Variants in HMCN1 observed in about 807,000 individuals in gnomAD.
HMCN1 encodes hemicentin-1.
A neutral mutation model predicts 625.9 loss-of-function variants in HMCN1; 321 were observed. That is an observed-to-expected ratio of 0.51 (90% CI 0.47 to 0.56). HMCN1 has a LOEUF of 0.56. HMCN1 is among the 20% of genes least tolerant of loss of function. The pLI is 0.00. For missense variants in HMCN1, 6,588 were observed against 6,887.3 expected, an observed-to-expected ratio of 0.96 and a Z score of 1.54; for synonymous variants, 2,425 against 2,417.6, an observed-to-expected ratio of 1.00 and a Z score of -0.09.
intron 58 of HMCN1, among the ~76,000 whole-genome samples, chr1:186,086,948 T>C (rs1369247706): frequency 6.6e-6 from 1 of 152,096 alleles, no homozygotes; most frequent in African/African-American, 2.4e-5. Context: ...TACTATTTGC[T>C]CACCAGAGCC....
In HMCN1 at chr1:186,132,296, T is replaced by C. The variant is rs202134691; in HGVS notation, c.13231-32T>C. On this transcript the variant is annotated intron_variant, in intron 85 of 106. Transcript: ENST00000271588. ...GTGATTGCCCTGCTCTGTAGGCTCA[T>C]ATTTTTGTAAAAACGCTGCTTATTT... is the stretch of plus-strand genomic sequence containing the variant. 46 of 1,540,010 alleles carry C rather than the reference T, an allele frequency of 3.0e-5. 1 individual carries two copies. The Admixed American group carries it at 6.8e-4, about 23-fold the overall frequency.
At chr1:185,838,089 G>A (rs369139754) in intron 1 of HMCN1, among the ~76,000 whole-genome samples, 99 of 152,248 alleles carry the variant, frequency 6.5e-4, no homozygotes, top group Non-Finnish European at 2.1e-4. Context: ...ACCCACGTGG[G>A]CATCAGAAGG....
rs1653631181 is a variant in HMCN1, at chr1:186,190,114, A to T, written c.*236A>T. 2 of 557,638 alleles carry T rather than the reference A, an allele frequency of 3.6e-6. No homozygotes were observed. Among genetic ancestry groups the T allele is most frequent in the Non-Finnish European group, 6.4e-6 (2 of 310,574 alleles). 34.5% of individuals were successfully genotyped at this position (557,638 alleles called of 1,614,324 possible). A position where few individuals can be genotyped will look rare whatever the true frequency, so the allele number is the denominator to read the frequency against. ...ATTATTTTATTTATTACACTGGAGC[A>T]GTTACTTCCCAAAGATTATTCTGAA... On this transcript the variant is annotated 3_prime_UTR_variant, in exon 107 of 107. Coordinates refer to ENST00000271588, the MANE Select transcript of HMCN1 (RefSeq NM_031935.3).
rs564906482 is a variant in HMCN1, at chr1:185,890,180, G to A, written c.622-19157G>A. 1.8e-4 allele frequency among the ~76,000 whole-genome samples: 27 copies of A among 148,632 alleles called. No individual in the cohort carries two copies. In the South Asian group the frequency reaches 2.9e-3, roughly 16 times the overall value. On this transcript the variant is annotated intron_variant, in intron 4 of 106. Coordinates refer to ENST00000271588, the MANE Select transcript of HMCN1 (RefSeq NM_031935.3). ...CATCCCCTTTATCATTTTTTATTGC[G>A]TCTATTTGAGTCTTCTCTCTTTTTT...
rs751818723 is a variant in HMCN1, at chr1:186,119,220, A to T, written c.11878A>T (p.Asn3960Tyr). 6.2e-7 allele frequency: 1 copy of T among 1,613,878 alleles called. No individual in the cohort carries two copies. The highest frequency in any genetic ancestry group is 1.1e-5 in the South Asian group (1 of 91,080). Residue 3960 changes from asparagine to tyrosine, a missense_variant, in exon 78 of 107, where the codon AAC becomes TAC. By Grantham distance (143) the Asn-to-Tyr change is moderately radical. Transcript: ENST00000271588. ...GAIEILATQL[N>Y]HAGRYTCVAR... The stretch of plus-strand genomic sequence containing the variant: ...AATTGAAATACTTGCCACCCAATTA[A>T]ACCATGCTGGAAGATACACTTGTGT...
rs183990896 is a variant in HMCN1 at position 185,966,754 on chromosome 1, A to C, written c.2212+839A>C. Among the ~76,000 whole-genome samples, 33 of 152,354 alleles carry C rather than the reference A, an allele frequency of 2.2e-4. No homozygotes were observed. The East Asian group carries it at 5.4e-3, about 25-fold the overall frequency. ...GTTATGATTCTGTTTGTTAAATCAC[A>C]AACATTTCCATAGCAACAGGTTGAT... is the stretch of plus-strand genomic sequence containing the variant. On this transcript the variant is annotated intron_variant, in intron 14 of 106. Coordinates refer to ENST00000271588, the MANE Select transcript of HMCN1 (RefSeq NM_031935.3).
At chr1:185,741,894 A>C (rs1363542157) in intron 1 of HMCN1, among the ~76,000 whole-genome samples, 1 of 152,214 alleles carries the variant, frequency 6.6e-6, no homozygotes, top group East Asian at 1.9e-4. Context: ...CTACTGGAAC[A>C]GTTGCTTTGT....
intron 36 of HMCN1, among the ~76,000 whole-genome samples, chr1:186,026,484 C>T (rs4141459): frequency 0.61 from 93,161 of 151,996 alleles, 29,535 homozygotes; most frequent in African/African-American, 0.78. Flanking sequence ...TGTTGCTCTT[C>T]GAATGCTCCC....
At chr1:185,847,255 G>A (rs761320149) in intron 2 of HMCN1, among the ~76,000 whole-genome samples, 1 of 152,002 alleles carries the variant, frequency 6.6e-6, no homozygotes, top group Non-Finnish European at 1.5e-5. Flanking sequence ...TCCACGAGTG[G>A]CCAAATGTGG....
intron 9 of HMCN1, among the ~76,000 whole-genome samples, chr1:185,925,452 A>G (rs942446633): frequency 6.6e-6 from 1 of 152,192 alleles, no homozygotes; most frequent in Non-Finnish European, 1.5e-5. Context: ...ATAGAATCTG[A>G]ATGTTTTTTA....
At chr1:185,830,664 A>G (rs978479584) in intron 1 of HMCN1, among the ~76,000 whole-genome samples, 1 of 152,036 alleles carries the variant, frequency 6.6e-6, no homozygotes, top group Non-Finnish European at 1.5e-5. Context: ...GGCTGGGCAG[A>G]TCACTTGAGC....
rs1445987941 is a variant in HMCN1 at position 186,019,691 on chromosome 1, T to C, written c.5621T>C (p.Leu1874Pro). The C allele has an allele frequency of 1.2e-6, 2 of 1,610,964 alleles. No homozygotes were observed. Among genetic ancestry groups the C allele is most frequent in the Non-Finnish European group, 1.7e-6 (2 of 1,177,704 alleles). The change falls in exon 35 of 107, where the codon CTT becomes CCT. Residue 1874 changes from leucine (L) to proline (P), a missense_variant. By Grantham distance (98) the Leu-to-Pro change is moderately conservative. This residue lies in a region of HMCN1 where 4,628 missense variants were observed against 4,853.1 expected (regional missense o/e 0.95). Coordinates refer to ENST00000271588, the MANE Select transcript of HMCN1 (RefSeq NM_031935.3). ...DQPVNTAQGN[L>P]KIQSSGRVLQ... is the part of the protein sequence containing the mutation. The stretch of plus-strand genomic sequence containing the variant: ...CCTGTGAACACTGCCCAAGGAAACC[T>C]TAAAGTAAGTGTAAATATTACTCAG...
rs191788710 is a variant in HMCN1, at chr1:185,772,138, A to C, written c.268+37091A>C. On this transcript the variant is annotated intron_variant, in intron 1 of 106. Coordinates refer to ENST00000271588, the MANE Select transcript of HMCN1 (RefSeq NM_031935.3). ...GAGTGGCTAAAGAATACAATAAGCA[A>C]GGTGGCTGGAGTTGGAGCCATAGCA... Among the ~76,000 whole-genome samples the C allele has an allele frequency of 7.5e-4, 114 of 152,296 alleles. 1 individual carries two copies. Among genetic ancestry groups the C allele is most frequent in the South Asian group, 4.1e-4 (2 of 4,824 alleles).
At chr1:185,901,765 T>A (rs1665819282) in intron 4 of HMCN1, among the ~76,000 whole-genome samples, 1 of 151,618 alleles carries the variant, frequency 6.6e-6, no homozygotes, top group African/African-American at 2.4e-5. Flanking sequence ...AAGAATAAGT[T>A]CTCCCCAAAA....
rs1215042508 is a variant in HMCN1 at position 185,922,426 on chromosome 1, T to C, written c.948T>C (p.Thr316=). The C allele has an allele frequency of 1.2e-6, 2 of 1,613,846 alleles. No homozygotes were observed. The highest frequency in any genetic ancestry group is 2.7e-5 in the African/African-American group (2 of 75,012). The change falls in exon 7 of 107, where the codon ACT becomes ACC. Residue 316 remains threonine, a synonymous_variant. Coordinates refer to ENST00000271588, the MANE Select transcript of HMCN1 (RefSeq NM_031935.3). The part of the protein sequence containing the change: ...RHSVRITGLS[T]IDFRAGFSRK... ...CTGTTCGCATTACTGGCCTCAGTAC[T>C]ATTGATTTCCGAGCTGGCTTTTCTC...
chr1:185,837,030 G>A (rs1025513798), intron 1 of HMCN1, among the ~76,000 whole-genome samples: 99 of 147,542 alleles, frequency 6.7e-4, no homozygotes, highest in African/African-American at 2.0e-3. Context: ...GTGTGTGTGT[G>A]TATATATAAA....
At chr1:185,823,591 C>G (rs1660330562) in intron 1 of HMCN1, among the ~76,000 whole-genome samples, 1 of 152,110 alleles carries the variant, frequency 6.6e-6, no homozygotes, top group Admixed American at 6.6e-5. Context: ...ATGAGCTTCC[C>G]AAGTGGCCAT....
intron 6 of HMCN1, among the ~76,000 whole-genome samples, chr1:185,917,721 G>A (rs530042673): frequency 6.6e-6 from 1 of 152,292 alleles, no homozygotes; most frequent in Non-Finnish European, 1.5e-5. Context: ...GCCTTGAAGG[G>A]ACTTTCAATG....
chr1:186,130,820 T>C, intron 85 of HMCN1, 123 bp downstream of exon 85: 1 of 904,902 alleles, frequency 1.1e-6, no homozygotes, highest in South Asian at 1.4e-5. Flanking sequence ...CTGAATCAAA[T>C]AACTCCTTTT....
Sources: allele counts gnomAD v4.1 joint callset (sites outside exome capture counted in the v4.1 genomes callset), GRCh38; gene constraint gnomAD v4.1.1; regional missense constraint gnomAD v4.1.1; transcripts MANE v1.5; gene names NCBI Gene and HGNC (gene_info 2026-07-23, HGNC 2026-07-21).